COL10A1: variants seen among roughly 807,000 people sequenced by gnomAD.
COL10A1 encodes the protein collagen type X alpha 1 chain.
Under a neutral mutation model 18.2 loss-of-function variants are expected in COL10A1, and 10 were observed. The ratio of observed to expected loss-of-function variants is 0.55; its 90% CI spans 0.34 to 0.93. The LOEUF (loss-of-function observed/expected upper bound fraction) is 0.93. Ranked by LOEUF, COL10A1 falls within the 40% of genes least tolerant of loss-of-function variation. The pLI, the probability that COL10A1 is intolerant of heterozygous loss-of-function variation, is 0.02. For synonymous variants in COL10A1, 330 were observed against 316.6 expected (o/e 1.04, Z -0.45); for missense variants, 897 against 853.5 (o/e 1.05, Z -0.64).
the COL10A1 span, among the ~76,000 whole-genome samples, chr6:116,174,133 A>G: frequency 6.6e-6 from 1 of 152,192 alleles, no homozygotes; most frequent in South Asian, 2.1e-4. Flanking sequence ...CATGCTGTCA[A>G]CATGACATCA....
At chr6:116,207,311 C>G in the COL10A1 span, among the ~76,000 whole-genome samples, 6 of 150,240 alleles carry the variant, frequency 4.0e-5, no homozygotes, top group Non-Finnish European at 8.9e-5. Flanking sequence ...GAGTCTATAG[C>G]TATAGAAGTA....
chr6:116,208,245 GGCA>G, the COL10A1 span, among the ~76,000 whole-genome samples: 2 of 151,902 alleles, frequency 1.3e-5, no homozygotes, highest in Non-Finnish European at 2.9e-5. Context: ...TTTGCCCGGA[GGCA>G]TCCCATTTTA....
At chr6:116,141,940 A>G (rs184120468) in intron 1 of COL10A1, among the ~76,000 whole-genome samples, 1 of 151,004 alleles carries the variant, frequency 6.6e-6, no homozygotes, top group Non-Finnish European at 1.5e-5. Flanking sequence ...TAAATGTGAG[A>G]TGTTCCTAGT....
At chr6:116,194,092 T>C in the COL10A1 span, among the ~76,000 whole-genome samples, 2 of 151,766 alleles carry the variant, frequency 1.3e-5, no homozygotes, top group African/African-American at 4.8e-5. Flanking sequence ...ATAAATAAAG[T>C]AAAAGCAATT....
chr6:116,169,547 T>C, the COL10A1 span, among the ~76,000 whole-genome samples: 83 of 152,362 alleles, frequency 5.4e-4, 1 homozygote, highest in Non-Finnish European at 1.2e-4. Context: ...TTGAGGATTT[T>C]AGCTATTCAT....
In COL10A1 at chr6:116,121,411, A is replaced by G; in HGVS notation, c.705T>C (p.Gly235=). The G allele has an allele frequency of 6.2e-7, 1 of 1,612,708 alleles. No individual in the cohort carries two copies. The highest frequency in any genetic ancestry group is 1.1e-5 in the South Asian group (1 of 91,000). Residue 235 remains glycine (G), a synonymous_variant, in exon 3 of 3, where the codon GGT becomes GGC. Transcript: ENST00000651968. ...CCATTTCTCCCGGAAAACCTCTATC[A>G]CCTTTGATGCCTGGCTGTCCTGGAA... ...NGVPGQPGIK[G]DRGFPGEMGP...
chr6:116,178,138 C>T, the COL10A1 span, among the ~76,000 whole-genome samples: 1 of 140,320 alleles, frequency 7.1e-6, no homozygotes, highest in Non-Finnish European at 1.5e-5. Context: ...TGTGTGTTTA[C>T]TAGTGGGACT....
chr6:116,194,526 T>C, the COL10A1 span, among the ~76,000 whole-genome samples: 2 of 152,030 alleles, frequency 1.3e-5, no homozygotes, highest in Middle Eastern at 3.4e-3. Flanking sequence ...TAAAAATTGA[T>C]TGAACAGATA....
chr6:116,201,710 C>T, the COL10A1 span, among the ~76,000 whole-genome samples: 1 of 152,004 alleles, frequency 6.6e-6, no homozygotes, highest in Non-Finnish European at 1.5e-5. Flanking sequence ...CATGTGAGGT[C>T]ATGGGCAAGG....
the COL10A1 span, among the ~76,000 whole-genome samples, chr6:116,172,933 G>C: frequency 6.6e-6 from 1 of 152,106 alleles, no homozygotes; most frequent in Non-Finnish European, 1.5e-5. Flanking sequence ...CACATTGCAG[G>C]TGTGGATAAC....
intron 1 of COL10A1, among the ~76,000 whole-genome samples, chr6:116,136,532 G>A (rs1779608033): frequency 1.3e-5 from 2 of 151,976 alleles, no homozygotes; most frequent in Non-Finnish European, 1.5e-5. Context: ...TCATTTAGCT[G>A]GTAGGCGGCA....
the COL10A1 span, among the ~76,000 whole-genome samples, chr6:116,209,109 T>C: frequency 9.2e-5 from 14 of 152,042 alleles, no homozygotes; most frequent in African/African-American, 3.4e-4. Context: ...GTGCATTATA[T>C]ATAACTAATT....
intron 2 of COL10A1, 40 bp from the exon 3 acceptor site, chr6:116,122,001 T>C: frequency 6.5e-7 from 1 of 1,549,778 alleles, no homozygotes; most frequent in East Asian, 2.2e-5. Flanking sequence ...TAGAAGGGGA[T>C]GGTTAGTGAC....
chr6:116,122,487 A>C (rs1439144059), intron 2 of COL10A1, among the ~76,000 whole-genome samples: 1 of 152,198 alleles, frequency 6.6e-6, no homozygotes, highest in Non-Finnish European at 1.5e-5. Flanking sequence ...CTGAGCTCTT[A>C]TACTCTCCAT....
upstream of COL10A1, among the ~76,000 whole-genome samples, chr6:116,160,992 C>T (rs1179590541): frequency 6.6e-6 from 1 of 151,810 alleles, no homozygotes; most frequent in Non-Finnish European, 1.5e-5. Flanking sequence ...ACATATACAC[C>T]ATGGAATACT....
upstream of COL10A1, among the ~76,000 whole-genome samples, chr6:116,161,273 A>C (rs1035614701): frequency 6.6e-6 from 1 of 151,878 alleles, no homozygotes; most frequent in Non-Finnish European, 1.5e-5. Flanking sequence ...GTGCACCAGC[A>C]TGGCACATGT....
chr6:116,160,502 T>A (rs1780301260), upstream of COL10A1, among the ~76,000 whole-genome samples: 2 of 152,232 alleles, frequency 1.3e-5, no homozygotes, highest in Admixed American at 1.3e-4. Context: ...TTAACTTCTT[T>A]ACAGATTCTG....
intron 2 of COL10A1, among the ~76,000 whole-genome samples, chr6:116,123,486 G>A (rs189355113): frequency 6.6e-6 from 1 of 152,346 alleles, no homozygotes; most frequent in East Asian, 1.9e-4. Context: ...ATCGTGATTG[G>A]TTGTGTCAGA....
At chr6:116,135,834 G>GATAT (rs199827970) in intron 1 of COL10A1, among the ~76,000 whole-genome samples, 6,013 of 100,988 alleles carry the variant, frequency 0.06, 188 homozygotes, top group Non-Finnish European at 0.076. Context: ...TATATTTTCA[G>GATAT]ATATATATAT....
Sources: gnomAD v4.1 joint callset for allele counts (sites outside exome capture counted in the v4.1 genomes callset) on GRCh38, gnomAD v4.1.1 for gene constraint, MANE v1.5 for transcripts, NCBI Gene and HGNC (gene_info 2026-07-23, HGNC 2026-07-21) for gene names.